The following DOCK7 variants were observed in gnomAD, a reference collection of about 807,000 sequenced individuals.
DOCK7 encodes the protein dedicator of cytokinesis protein 7.
Under a neutral mutation model 271.0 loss-of-function variants are expected in DOCK7, and 138 were observed. The observed-to-expected ratio is 0.51, with a 90% CI of 0.44 to 0.59. The LOEUF (loss-of-function observed/expected upper bound fraction) is 0.59. DOCK7 is among the 20% of genes least tolerant of loss of function. The pLI is 0.00. For synonymous variants in DOCK7, 823 were observed against 876.1 expected (o/e 0.94, Z 1.07); for missense variants, 2,066 against 2,592.4 (o/e 0.80, Z 4.41).
At chr1:62,670,044 C>T (rs1425948177) in intron 1 of DOCK7, among the ~76,000 whole-genome samples, 1 of 152,228 alleles carries the variant, frequency 6.6e-6, no homozygotes, top group Non-Finnish European at 1.5e-5. Flanking sequence ...CCAGTGGCTG[C>T]GGAGGGTGTA....
At chr1:62,460,040 C>A (rs1158306617) in intron 48 of DOCK7, among the ~76,000 whole-genome samples, 2 of 134,068 alleles carry the variant, frequency 1.5e-5, no homozygotes, top group Non-Finnish European at 3.0e-5. Flanking sequence ...GCGGAGCTTG[C>A]AGTGAGCAGA....
chr1:62,524,813 G>A (rs950346159), intron 31 of DOCK7, among the ~76,000 whole-genome samples: 3 of 150,292 alleles, frequency 2.0e-5, no homozygotes, highest in South Asian at 2.1e-4. Flanking sequence ...CAAGAGAATC[G>A]CTTGAACCTA....
At chr1:62,645,829 G>A (rs1656579072) in intron 7 of DOCK7, among the ~76,000 whole-genome samples, 1 of 152,078 alleles carries the variant, frequency 6.6e-6, no homozygotes, top group South Asian at 2.1e-4. Context: ...TCCACACAGT[G>A]GAATATTGTT....
chr1:62,499,931 T>G (rs1646732115), intron 37 of DOCK7, among the ~76,000 whole-genome samples: 2 of 33,000 alleles, frequency 6.1e-5, no homozygotes, highest in South Asian at 4.4e-3. Flanking sequence ...GTTGTAAAAC[T>G]GTTCTGAAAA....
chr1:62,574,832 C>T (rs988758286), intron 18 of DOCK7, among the ~76,000 whole-genome samples: 13 of 152,006 alleles, frequency 8.6e-5, no homozygotes, highest in Admixed American at 4.6e-4. Context: ...CGGGTTCAAG[C>T]GATTCTCACG....
chr1:62,549,725 A>T (rs1308417572), intron 22 of DOCK7, among the ~76,000 whole-genome samples: 1 of 152,122 alleles, frequency 6.6e-6, no homozygotes, highest in Non-Finnish European at 1.5e-5. Flanking sequence ...TTAATTATAC[A>T]AATCACCCTG....
At chr1:62,618,665 C>A in intron 14 of DOCK7, 41 bp downstream of exon 14, 2 of 1,521,146 alleles carry the variant, frequency 1.3e-6, no homozygotes, top group Non-Finnish European at 9.1e-7. Context: ...TTAGAATATA[C>A]AGTATCTTCT....
chr1:62,571,988 C>A lies in DOCK7; in HGVS notation c.2112+5274G>T, dbSNP rs550181357. Among the ~76,000 whole-genome samples, 5 of 152,186 alleles carry A rather than the reference C, an allele frequency of 3.3e-5. No individual in the cohort carries two copies. In the South Asian group the frequency reaches 1.0e-3, roughly 32 times the overall value. On this transcript the variant is annotated intron_variant, in intron 18 of 49. Transcript: ENST00000635253. ...TACTTAGGTGATGGGTTGATAGGTG[C>A]GGCAAATCACCATGGCACATGTTTA...
chr1:62,596,987 A>G (rs924982984), intron 14 of DOCK7, among the ~76,000 whole-genome samples: 1 of 152,182 alleles, frequency 6.6e-6, no homozygotes, highest in African/African-American at 2.4e-5. Context: ...ATAGTGACAA[A>G]AAATGAGGAG....
rs774596625 is a variant in DOCK7, at chr1:62,539,900, A to G, written c.3046-8T>C. On this transcript the variant is annotated splice_region_variant and splice_polypyrimidine_tract_variant and intron_variant, in intron 25 of 49. Transcript: ENST00000635253. ...GTGCACCATGCTCTTTACCTGAAAAAAAGATATAAATTATTAATTTCCTAT... is the reference window on the plus strand; with the variant it reads ...GTGCACCATGCTCTTTACCTGAAAAGAAGATATAAATTATTAATTTCCTAT... The G allele has an allele frequency of 3.2e-6, 5 of 1,553,054 alleles. No homozygotes were observed. Among genetic ancestry groups the G allele is most frequent in the Middle Eastern group, 1.8e-4 (1 of 5,682 alleles).
chr1:62,577,916 A>G (rs1442371050), intron 17 of DOCK7, among the ~76,000 whole-genome samples: 2 of 151,788 alleles, frequency 1.3e-5, no homozygotes, highest in Non-Finnish European at 2.9e-5. Context: ...ATTCAACCAT[A>G]GTAATTTTTT....
At chr1:62,639,207 T>G (rs1655667903) in intron 7 of DOCK7, among the ~76,000 whole-genome samples, 1 of 152,010 alleles carries the variant, frequency 6.6e-6, no homozygotes, top group African/African-American at 2.4e-5. Flanking sequence ...CCCTTTGTAT[T>G]TTCATATAAA....
chr1:62,538,988 C>T lies in DOCK7; in HGVS notation c.3300+557G>A, dbSNP rs79925046. Among the ~76,000 whole-genome samples, 780 of 152,262 alleles carry T rather than the reference C, an allele frequency of 5.1e-3. 7 individuals carry two copies. Among genetic ancestry groups the T allele is most frequent in the African/African-American group, 0.018 (741 of 41,544 alleles). ...CCAATAACTAATGTTTTCTAGAAGGCAGACTTCACTAATCAGTTGATAAAA... is the reference window on the plus strand; with the variant it reads ...CCAATAACTAATGTTTTCTAGAAGGTAGACTTCACTAATCAGTTGATAAAA... On this transcript the variant is annotated intron_variant, in intron 27 of 49. Transcript: ENST00000635253.
At chr1:62,488,091 T>TA (rs1232532145) in intron 42 of DOCK7, 1 of 152,346 alleles carries the variant, frequency 6.6e-6, no homozygotes, top group African/African-American at 2.4e-5. Flanking sequence ...GTCAAGCTGA[T>TA]AGGTAACAAA....
intron 2 of DOCK7, 102 bp downstream of exon 2, chr1:62,662,923 G>T: frequency 1.2e-6 from 1 of 843,172 alleles, no homozygotes; most frequent in Non-Finnish European, 1.9e-6. Flanking sequence ...AAGGTTATGA[G>T]ACTAATGACG....
chr1:62,519,732 T>A (rs937221628), intron 31 of DOCK7, among the ~76,000 whole-genome samples: 1 of 151,976 alleles, frequency 6.6e-6, no homozygotes, highest in East Asian at 1.9e-4. Flanking sequence ...GGGGAAGATG[T>A]AAGAGAATGC....
At chr1:62,663,272 T>C (rs1571942061) in intron 1 of DOCK7, 142 bp from the exon 2 acceptor site, 1 of 641,568 alleles carries the variant, frequency 1.6e-6, no homozygotes, top group East Asian at 2.7e-5. Context: ...TAGAAATTCG[T>C]AAAATATTTT....
intron 14 of DOCK7, among the ~76,000 whole-genome samples, chr1:62,593,960 G>A (rs1270340450): frequency 6.6e-6 from 1 of 152,154 alleles, no homozygotes; most frequent in East Asian, 1.9e-4. Context: ...ACAACCTCGT[G>A]TAGGATAAAG....
chr1:62,585,825 G>A (rs1647431011), intron 15 of DOCK7, among the ~76,000 whole-genome samples: 1 of 152,082 alleles, frequency 6.6e-6, no homozygotes, highest in South Asian at 2.1e-4. Flanking sequence ...CTAATAATTA[G>A]CACATAGCTT....
Sources: gnomAD v4.1 joint callset for allele counts (sites outside exome capture counted in the v4.1 genomes callset) on GRCh38, gnomAD v4.1.1 for gene constraint, MANE v1.5 for transcripts, NCBI Gene and HGNC (gene_info 2026-07-23, HGNC 2026-07-21) for gene names.